AXL: variants seen among roughly 807,000 people sequenced by gnomAD.
The protein encoded by AXL is tyrosine-protein kinase receptor UFO.
A neutral mutation model predicts 104.5 loss-of-function variants in AXL; 52 were observed. That is an observed-to-expected ratio of 0.50 (90% CI 0.40 to 0.63). The LOEUF (loss-of-function observed/expected upper bound fraction) is 0.63, where lower values mean the gene tolerates loss of function less well. Among genes scored for constraint, AXL ranks in the 20% least tolerant of loss-of-function variants. AXL has a pLI of 0.00. For synonymous variants in AXL, 455 were observed against 473.7 expected, an observed-to-expected ratio of 0.96 and a Z score of 0.51; for missense variants, 1,024 against 1,188.5, an observed-to-expected ratio of 0.86 and a Z score of 2.04.
At chr19:41,247,731 G>A (rs1363904285) in intron 12 of AXL, among the ~76,000 whole-genome samples, 1 of 151,772 alleles carries the variant, frequency 6.6e-6, no homozygotes, top group African/African-American at 2.4e-5. Context: ...CTATAGGCGC[G>A]TACCACCACA....
intron 3 of AXL, chr19:41,221,583 C>T (rs1364674452): frequency 1.8e-5 from 9 of 498,606 alleles, no homozygotes; most frequent in African/African-American, 9.9e-5. Context: ...CCTGTCCCCA[C>T]GACCCCAGCG....
intron 12 of AXL, 182 bp downstream of exon 12, chr19:41,243,889 A>G: frequency 1.7e-6 from 1 of 590,386 alleles, no homozygotes; most frequent in Non-Finnish European, 3.1e-6. Context: ...TTCAAGGAAT[A>G]GAATCTTAGA....
chr19:41,226,423 C>T (rs1395460431), intron 4 of AXL, among the ~76,000 whole-genome samples: 1 of 152,100 alleles, frequency 6.6e-6, no homozygotes, highest in African/African-American at 2.4e-5. Context: ...GGGCGCGGGG[C>T]CTTCAGGGCG....
rs922638950 is a variant in AXL, at chr19:41,261,511, C to G, written c.*1607C>G. 36 of 152,446 alleles carry G rather than the reference C, an allele frequency of 2.4e-4. No individual in the cohort carries two copies. Among genetic ancestry groups the G allele is most frequent in the African/African-American group, 8.4e-4 (35 of 41,462 alleles). The allele number at this position is 152,446 out of a possible 1,614,324, so 9.4% of individuals were successfully genotyped here. A position where few individuals can be genotyped will look rare whatever the true frequency, so the allele number is the denominator to read the frequency against. ...TAGGTGCAATTTCAAGGTTCTAACCCTATACTGTAGTATTCTTTGGGGTGC... is the reference window on the plus strand; with the variant it reads ...TAGGTGCAATTTCAAGGTTCTAACCGTATACTGTAGTATTCTTTGGGGTGC... On this transcript the variant is annotated 3_prime_UTR_variant, in exon 20 of 20. Transcript: ENST00000301178.
At chr19:41,228,700 A>G (rs560998787) in intron 4 of AXL, among the ~76,000 whole-genome samples, 1 of 152,322 alleles carries the variant, frequency 6.6e-6, no homozygotes, top group Admixed American at 6.5e-5. Context: ...CATTTATGGC[A>G]CACCTATTGT....
At chr19:41,221,773 CCCT>C in intron 3 of AXL, 104 bp from the exon 4 acceptor site, 1 of 1,245,054 alleles carries the variant, frequency 8.0e-7, no homozygotes, top group Non-Finnish European at 1.1e-6. Flanking sequence ...AAGTCAATGA[CCCT>C]GCAGGGTGGG....
At position 41,259,610 on chromosome 19, in the gene AXL, A is replaced by G. The variant is rs755492174; in HGVS notation, c.2391A>G (p.Thr797=). 1.7e-5 allele frequency: 27 copies of G among 1,613,664 alleles called. No homozygotes were observed. The highest frequency in any genetic ancestry group is 2.1e-5 in the Non-Finnish European group (25 of 1,179,892). Residue 797 remains threonine, a synonymous_variant, in exon 20 of 20, where the codon ACA becomes ACG. Coordinates refer to ENST00000301178, the MANE Select transcript of AXL (RefSeq NM_021913.5). The part of the protein sequence containing the change: ...ELNPQDRPSF[T]ELREDLENTL... The stretch of plus-strand genomic sequence containing the variant: ...ATCCCCAGGACCGGCCAAGTTTTAC[A>G]GAGCTGCGGGAAGATTTGGAGAACA...
At chr19:41,237,578 C>T (rs993879079) in intron 6 of AXL, among the ~76,000 whole-genome samples, 3 of 152,112 alleles carry the variant, frequency 2.0e-5, no homozygotes, top group African/African-American at 7.2e-5. Flanking sequence ...CTATTATTAT[C>T]GGTGCTGACC....
chr19:41,221,043 T>C, intron 2 of AXL, 103 bp from the exon 3 acceptor site: 1 of 1,243,190 alleles, frequency 8.0e-7, no homozygotes, highest in East Asian at 2.4e-5. Context: ...TTCGTGGTTG[T>C]CATGAGCTTC....
At position 41,220,872 on chromosome 19, in the gene AXL, T is replaced by G. The variant is rs201794937; in HGVS notation, c.308+14T>G. The stretch of plus-strand genomic sequence containing the variant: ...CAGCCAGCTCAGGTGTGTGGCCACA[T>G]CCCCGAATCCCACTCCCACCTCCGT... On this transcript the variant is annotated intron_variant, in intron 2 of 19. Transcript: ENST00000301178. 4 of 1,610,482 alleles carry G rather than the reference T, an allele frequency of 2.5e-6. No homozygotes were observed. In the East Asian group the frequency reaches 8.9e-5, roughly 36 times the overall value.
intron 1 of AXL, among the ~76,000 whole-genome samples, chr19:41,219,855 G>A (rs1340806824): frequency 6.6e-6 from 1 of 151,668 alleles, no homozygotes; most frequent in African/African-American, 2.4e-5. Context: ...GCAGTGGGAT[G>A]AGGAGGGCTC....
At position 41,221,191 on chromosome 19, in the gene AXL, G is replaced by A; in HGVS notation, c.354G>A (p.Leu118=). Residue 118 remains leucine (L), a synonymous_variant, in exon 3 of 20, where the codon TTG becomes TTA. Coordinates refer to ENST00000301178, the MANE Select transcript of AXL (RefSeq NM_021913.5). ...QLSDTGQYQC[L]VFLGHQTFVS... The stretch of plus-strand genomic sequence containing the variant: ...CCGACACGGGACAGTACCAGTGTTT[G>A]GTGTTTCTGGGACATCAGACCTTCG... 6.2e-7 allele frequency: 1 copy of A among 1,614,016 alleles called. No homozygotes were observed. Among genetic ancestry groups the A allele is most frequent in the Non-Finnish European group, 8.5e-7 (1 of 1,180,004 alleles).
In AXL at chr19:41,219,257, G is replaced by A. The variant is rs2033739080; in HGVS notation, c.-136G>A. 1 of 796,788 alleles carries A rather than the reference G, an allele frequency of 1.3e-6. No homozygotes were observed. The highest frequency in any genetic ancestry group is 2.0e-6 in the Non-Finnish European group (1 of 505,544). The allele number at this position is 796,788 out of a possible 1,614,324, so 49.4% of individuals were successfully genotyped here. ...GCTGCTGGGCAGAGCCGGTGGCAAG[G>A]GCCTCCCCTGCCGCTGTGCCAGGCA... On this transcript the variant is annotated 5_prime_UTR_variant, in exon 1 of 20. Coordinates refer to ENST00000301178, the MANE Select transcript of AXL (RefSeq NM_021913.5).
At chr19:41,222,919 A>C (rs1480005446) in intron 4 of AXL, among the ~76,000 whole-genome samples, 1 of 150,800 alleles carries the variant, frequency 6.6e-6, no homozygotes, top group African/African-American at 2.4e-5. Flanking sequence ...AGAAAAAAAA[A>C]AAAAAAGAAA....
At chr19:41,257,036 T>TA (rs1555732762) in intron 18 of AXL, among the ~76,000 whole-genome samples, 8 of 152,002 alleles carry the variant, frequency 5.3e-5, no homozygotes, top group African/African-American at 1.7e-4. Flanking sequence ...CAAGTATTTT[T>TA]TATATATATA....
intron 12 of AXL, among the ~76,000 whole-genome samples, chr19:41,248,015 TG>T (rs1488084416): frequency 2.0e-5 from 3 of 152,074 alleles, no homozygotes. Context: ...CTCTGTCTCT[TG>T]GGTTCAAGTG....
At chr19:41,238,750 A>T (rs190377856) in intron 8 of AXL, 141 bp downstream of exon 8, 1 of 1,274,994 alleles carries the variant, frequency 7.8e-7, no homozygotes, top group East Asian at 2.6e-5. Flanking sequence ...GAAGGTTCAC[A>T]TTCACATTCT....
chr19:41,235,228 G>T (rs965475056), intron 6 of AXL, among the ~76,000 whole-genome samples: 1 of 152,074 alleles, frequency 6.6e-6, no homozygotes, highest in Non-Finnish European at 1.5e-5. Flanking sequence ...GTGCATGCCT[G>T]TAATCCTAGC....
chr19:41,248,488 T>C (rs775507371), intron 12 of AXL, 26 bp from the exon 13 acceptor site: 6 of 1,611,516 alleles, frequency 3.7e-6, no homozygotes, highest in Non-Finnish European at 2.5e-6. Context: ...GCTCCATGAC[T>C]CTGTCCACCC....
Sources: allele counts gnomAD v4.1 joint callset (sites outside exome capture counted in the v4.1 genomes callset), GRCh38; gene constraint gnomAD v4.1.1; transcripts MANE v1.5; gene names NCBI Gene and HGNC (gene_info 2026-07-23, HGNC 2026-07-21).